The following MTA3 variants were observed in gnomAD, a reference collection of about 807,000 sequenced individuals.
The protein encoded by MTA3 is metastasis-associated protein MTA3.
MTA3 carries 34 observed loss-of-function variants against 83.5 expected under a neutral mutation model. The observed-to-expected ratio is 0.41, with a 90% CI of 0.31 to 0.54. MTA3 has a LOEUF of 0.54. MTA3 is among the 20% of genes least tolerant of loss of function. The probability of loss-of-function intolerance (pLI) is 0.33; values close to 1 mark genes in which losing one functional copy is unlikely to be tolerated. For synonymous variants in MTA3, 303 were observed against 252.7 expected, an observed-to-expected ratio of 1.20 and a Z score of -1.89; for missense variants, 761 against 726.4, an observed-to-expected ratio of 1.05 and a Z score of -0.55.
chr2:42,741,677 AT>A (rs527553515), intron 16 of MTA3, among the ~76,000 whole-genome samples: 5 of 150,258 alleles, frequency 3.3e-5, no homozygotes, highest in African/African-American at 9.8e-5. Context: ...TTTTTTATTA[AT>A]TTTTTTTTTC....
chr2:42,755,276 T>A lies in MTA3; in HGVS notation c.*1877T>A. ...TTTCACTTTCTCTCTGAACCCCTAC[T>A]AAGTGGTGACTGCAGATTCTGGAAA... On this transcript the variant is annotated 3_prime_UTR_variant, in exon 17 of 17. Coordinates refer to ENST00000405094, the MANE Select transcript of MTA3 (RefSeq NM_001330442.2). 2 of 985,472 alleles carry A rather than the reference T, an allele frequency of 2.0e-6. No homozygotes were observed. The highest frequency in any genetic ancestry group is 2.4e-6 in the Non-Finnish European group (2 of 829,980). 61.0% of individuals were successfully genotyped at this position (985,472 alleles called of 1,614,324 possible).
chr2:42,606,390 G>T (rs943583943), intron 3 of MTA3, among the ~76,000 whole-genome samples: 1 of 150,800 alleles, frequency 6.6e-6, no homozygotes, highest in Non-Finnish European at 1.5e-5. Flanking sequence ...AGACGGGGCG[G>T]CCGGGCAGAG....
intron 14 of MTA3, among the ~76,000 whole-genome samples, chr2:42,716,501 G>T (rs892343013): frequency 6.6e-6 from 1 of 151,872 alleles, no homozygotes; most frequent in African/African-American, 2.4e-5. Context: ...CCTCCAATAG[G>T]CCCCAGTGTC....
chr2:42,683,382 C>T (rs766359547), intron 9 of MTA3, among the ~76,000 whole-genome samples: 1 of 152,108 alleles, frequency 6.6e-6, no homozygotes, highest in Non-Finnish European at 1.5e-5. Context: ...ATCTTTGATT[C>T]TTCTTAATGA....
chr2:42,547,231 A>G (rs1217333768), intron 2 of MTA3, among the ~76,000 whole-genome samples: 2 of 152,260 alleles, frequency 1.3e-5, no homozygotes, highest in Non-Finnish European at 2.9e-5. Flanking sequence ...CAGAGACTCC[A>G]GCCACGTGGT....
intron 8 of MTA3, among the ~76,000 whole-genome samples, chr2:42,676,724 C>G (rs1691388598): frequency 6.6e-6 from 1 of 152,160 alleles, no homozygotes; most frequent in Non-Finnish European, 1.5e-5. Flanking sequence ...TGAGATCATG[C>G]CACTGCACTC....
At chr2:42,606,814 C>T (rs1478081188) in intron 3 of MTA3, among the ~76,000 whole-genome samples, 1 of 150,162 alleles carries the variant, frequency 6.7e-6, no homozygotes. Flanking sequence ...GAACGAGACT[C>T]CGTCTGCAAT....
At position 42,508,846 on chromosome 2, in the gene MTA3, T is replaced by C. The variant is rs563045929; in HGVS notation, c.-141+13592T>C. On this transcript the variant is annotated intron_variant, in intron 2 of 17. Transcript: ENST00000405592. ...TATATGATATATAATATTAAATATA[T>C]TAAATTATTAAATATATTATATAAT... Among the ~76,000 whole-genome samples the C allele has an allele frequency of 3.4e-5, 5 of 146,624 alleles. 1 individual carries two copies. In the South Asian group the frequency reaches 1.1e-3, roughly 31 times the overall value.
chr2:42,553,140 G>A (rs1355144559), intron 2 of MTA3, among the ~76,000 whole-genome samples: 2 of 150,992 alleles, frequency 1.3e-5, no homozygotes, highest in Non-Finnish European at 3.0e-5. Context: ...AATTAGGCTG[G>A]GTGGGCCGGG....
At chr2:42,548,811 ATAT>A (rs1558428140) in intron 2 of MTA3, among the ~76,000 whole-genome samples, 4 of 38,024 alleles carry the variant, frequency 1.1e-4, no homozygotes, top group African/African-American at 6.5e-4. Context: ...TCAAAAAAAA[ATAT>A]ATATATATAT....
intron 16 of MTA3, among the ~76,000 whole-genome samples, chr2:42,738,003 T>C: frequency 6.6e-6 from 1 of 152,214 alleles, no homozygotes; most frequent in Admixed American, 6.5e-5. Flanking sequence ...GGCACATATC[T>C]GTAATCCCAA....
chr2:42,712,607 A>G (rs762847851), intron 14 of MTA3: 1 of 152,244 alleles, frequency 6.6e-6, no homozygotes, highest in Non-Finnish European at 1.5e-5. Flanking sequence ...TGCCTGAGCC[A>G]GTTCTACCAC....
At chr2:42,734,141 A>G (rs1215632955) in intron 16 of MTA3, among the ~76,000 whole-genome samples, 2 of 134,090 alleles carry the variant, frequency 1.5e-5, no homozygotes, top group Admixed American at 7.8e-5. Flanking sequence ...GTCTCTAGCT[A>G]TTATTGTTTT....
chr2:42,605,160 C>T (rs1252685688), intron 3 of MTA3, among the ~76,000 whole-genome samples: 7 of 148,240 alleles, frequency 4.7e-5, no homozygotes, highest in Non-Finnish European at 7.5e-5. Context: ...GTAGGGGCGG[C>T]CGGGCAGAGG....
At position 42,721,908 on chromosome 2, in the gene MTA3, C is replaced by CT. The variant is rs561598544; in HGVS notation, c.1613-975dup. 3.0e-4 allele frequency among the ~76,000 whole-genome samples: 45 copies of CT among 152,220 alleles called. No individual in the cohort carries two copies. The South Asian group carries it at 9.3e-3, about 32-fold the overall frequency. On this transcript the variant is annotated intron_variant, in intron 15 of 16. Transcript: ENST00000405094. The stretch of plus-strand genomic sequence containing the variant: ...TGTCATGTTGGAGAAAAAAAAATCA[C>CT]TTTTTTCGGTGGTAGTATTTAAGCC...
chr2:42,631,006 C>T (rs1686618432), intron 4 of MTA3, among the ~76,000 whole-genome samples: 1 of 152,120 alleles, frequency 6.6e-6, no homozygotes, highest in Non-Finnish European at 1.5e-5. Flanking sequence ...ATTAGTCTCT[C>T]TTCAGTTTGG....
At chr2:42,561,776 TTATTC>T (rs1558436937) in intron 2 of MTA3, among the ~76,000 whole-genome samples, 1 of 152,158 alleles carries the variant, frequency 6.6e-6, no homozygotes, top group East Asian at 1.9e-4. Context: ...GTATTTCTCT[TTATTC>T]TATTATTCTG....
chr2:42,619,569 C>T (rs551962346), intron 4 of MTA3, among the ~76,000 whole-genome samples: 74 of 152,220 alleles, frequency 4.9e-4, no homozygotes, highest in Non-Finnish European at 3.2e-4. Context: ...TATATCATTA[C>T]AATATTTGAG....
At chr2:42,580,470 C>T (rs1679497586) in intron 3 of MTA3, among the ~76,000 whole-genome samples, 1 of 152,050 alleles carries the variant, frequency 6.6e-6, no homozygotes, top group Non-Finnish European at 1.5e-5. Context: ...CTTCTGGGTT[C>T]AGGCGACTCT....
Sources: gnomAD v4.1 joint callset for allele counts (sites outside exome capture counted in the v4.1 genomes callset) on GRCh38, gnomAD v4.1.1 for gene constraint, MANE v1.5 for transcripts, NCBI Gene and HGNC (gene_info 2026-07-23, HGNC 2026-07-21) for gene names.